Variants in LHFPL4 observed in about 807,000 individuals in gnomAD.
LHFPL4 encodes LHFPL tetraspan subfamily member 4 protein.
A neutral mutation model predicts 20.0 loss-of-function variants in LHFPL4; 6 were observed. The ratio of observed to expected loss-of-function variants is 0.30; its 90% CI spans 0.16 to 0.59. The LOEUF is 0.59. LHFPL4 is among the 20% of genes least tolerant of loss of function. The pLI, the probability that LHFPL4 is intolerant of heterozygous loss-of-function variation, is 0.88. For synonymous variants in LHFPL4, 129 were observed against 143.8 expected (o/e 0.90, Z 0.74); for missense variants, 215 against 331.2 (o/e 0.65, Z 2.72).
intron 2 of LHFPL4, among the ~76,000 whole-genome samples, chr3:9,535,973 T>C (rs1335066532): frequency 6.6e-6 from 1 of 152,066 alleles, no homozygotes; most frequent in East Asian, 1.9e-4. Flanking sequence ...AGCTAATTTT[T>C]GTATTTTTTT....
intron 2 of LHFPL4, among the ~76,000 whole-genome samples, chr3:9,547,992 G>C (rs2046527525): frequency 6.6e-6 from 1 of 152,118 alleles, no homozygotes; most frequent in Non-Finnish European, 1.5e-5. Context: ...TATTTGTAGA[G>C]ACAGGGTTTC....
chr3:9,535,201 GA>G (rs1384907855), intron 2 of LHFPL4, among the ~76,000 whole-genome samples: 4 of 152,124 alleles, frequency 2.6e-5, no homozygotes, highest in South Asian at 4.1e-4. Context: ...TTCTTTTTGG[GA>G]AAAATGTTCA....
rs2046174011 is a variant in LHFPL4 at position 9,501,481 on chromosome 3, T to G, written c.*730A>C. 1 of 152,800 alleles carries G rather than the reference T, an allele frequency of 6.5e-6. No individual in the cohort carries two copies. The highest frequency in any genetic ancestry group is 1.5e-5 in the Non-Finnish European group (1 of 68,620). The allele number at this position is 152,800 out of a possible 1,614,324, so 9.5% of individuals were successfully genotyped here. On this transcript the variant is annotated 3_prime_UTR_variant, in exon 4 of 4. Transcript: ENST00000287585. ...AAGAGGAGGCCAGGCCAGCCCGGGC[T>G]GAGCAGCTTCTAAGCTCCAACTGCC...
intron 2 of LHFPL4, among the ~76,000 whole-genome samples, chr3:9,535,847 G>A (rs1203765648): frequency 6.6e-6 from 1 of 152,152 alleles, no homozygotes; most frequent in Non-Finnish European, 1.5e-5. Context: ...TGTTGCCCAG[G>A]CTGGAGTGCA....
chr3:9,506,502 A>G lies in LHFPL4; in HGVS notation c.407-299T>C, dbSNP rs1249294779. On this transcript the variant is annotated intron_variant, in intron 2 of 3. Transcript: ENST00000287585. The surrounding 1 kb of genome is among the most constrained non-coding windows in gnomAD (Gnocchi z 4.5). ...GGAATATGAGAACATAGCCACCCAC[A>G]GCCACCTCCTTCAACTTCCTCTAGC... Among the ~76,000 whole-genome samples, 1 of 152,184 alleles carries G rather than the reference A, an allele frequency of 6.6e-6. No homozygotes were observed. Among genetic ancestry groups the G allele is most frequent in the Non-Finnish European group, 1.5e-5 (1 of 68,032 alleles).
chr3:9,499,399 C>T lies in LHFPL4; in HGVS notation c.*2812G>A, dbSNP rs1186351095. On this transcript the variant is annotated 3_prime_UTR_variant, in exon 4 of 4. Transcript: ENST00000287585. ...CCCCACTCTGACTTCTACCCCTTGC[C>T]TGTGTCACCCTGGGGTTCCCGCAGA... 1 of 152,832 alleles carries T rather than the reference C, an allele frequency of 6.5e-6. No homozygotes were observed. The highest frequency in any genetic ancestry group is 6.5e-5 in the Admixed American group (1 of 15,286). The allele number at this position is 152,832 out of a possible 1,614,324, so 9.5% of individuals were successfully genotyped here.
Position 9,502,212 on chromosome 3 carries a change from C to T in LHFPL4, c.743G>A (p.Ter248=), listed in dbSNP as rs201579364. ...TTACTGGGCTGTGATCCTGGCCTTTCAGGGTCCCTGTGAGTGAGCCACGGG... is the reference window on the plus strand; with the variant it reads ...TTACTGGGCTGTGATCCTGGCCTTTTAGGGTCCCTGTGAGTGAGCCACGGG... The part of the protein sequence containing the change: ...PCPVAHSQGP[*] Residue 248 remains the stop codon, a stop_retained_variant, in exon 4 of 4, where the codon TGA becomes TAA. Transcript: ENST00000287585. 9.3e-6 allele frequency: 15 copies of T among 1,612,940 alleles called. No homozygotes were observed. The highest frequency in any genetic ancestry group is 1.3e-5 in the African/African-American group (1 of 74,984).
intron 2 of LHFPL4, among the ~76,000 whole-genome samples, chr3:9,515,820 A>G (rs1287824053): frequency 6.6e-6 from 1 of 150,676 alleles, no homozygotes; most frequent in African/African-American, 2.4e-5. Flanking sequence ...GGTTCAAGCA[A>G]TTCTCTGCCT....
chr3:9,549,628 C>T (rs111567296), intron 2 of LHFPL4, among the ~76,000 whole-genome samples: 9 of 152,230 alleles, frequency 5.9e-5, no homozygotes, highest in Admixed American at 1.3e-4. Context: ...ACCCAGAAGG[C>T]GGAGCTTGCA....
At position 9,498,682 on chromosome 3, in the gene LHFPL4, C is replaced by G. The variant is rs2648570; in HGVS notation, c.*3529G>C. ...CTGCAGAAGTTTCTGGTGCTGGGAACATCCCAGCTTCTCCAAAGACAGGGT... is the reference window on the plus strand; with the variant it reads ...CTGCAGAAGTTTCTGGTGCTGGGAAGATCCCAGCTTCTCCAAAGACAGGGT... On this transcript the variant is annotated 3_prime_UTR_variant, in exon 4 of 4. Coordinates refer to ENST00000287585, the MANE Select transcript of LHFPL4 (RefSeq NM_198560.3). The G allele has an allele frequency of 0.95, 145,313 of 152,750 alleles. 69,472 individuals are homozygous for G. Among genetic ancestry groups the G allele is most frequent in the African/African-American group, 0.98 (40,658 of 41,574 alleles). 9.5% of individuals were successfully genotyped at this position (152,750 alleles called of 1,614,324 possible).
At chr3:9,546,841 T>C (rs963774725) in intron 2 of LHFPL4, among the ~76,000 whole-genome samples, 5 of 152,202 alleles carry the variant, frequency 3.3e-5, no homozygotes, top group Admixed American at 3.3e-4. Flanking sequence ...ACACTCAGCA[T>C]TTTACTACCT....
At chr3:9,549,097 C>A (rs1028218998) in intron 2 of LHFPL4, among the ~76,000 whole-genome samples, 1 of 152,150 alleles carries the variant, frequency 6.6e-6, no homozygotes, top group Non-Finnish European at 1.5e-5. Context: ...ACCCTAGCCT[C>A]TTTATTTTTT....
intron 2 of LHFPL4, among the ~76,000 whole-genome samples, chr3:9,526,702 T>G (rs2046377862): frequency 6.6e-6 from 1 of 152,186 alleles, no homozygotes; most frequent in Non-Finnish European, 1.5e-5. Flanking sequence ...GGGTGGGCTC[T>G]AAGTCCAATC....
chr3:9,532,888 G>A (rs955762040), intron 2 of LHFPL4, among the ~76,000 whole-genome samples: 1 of 152,134 alleles, frequency 6.6e-6, no homozygotes, highest in Non-Finnish European at 1.5e-5. Flanking sequence ...CTGTCCCCCA[G>A]GCCCTGCAGA....
At chr3:9,541,642 T>TGTGC (rs1219307102) in intron 2 of LHFPL4, among the ~76,000 whole-genome samples, 12 of 152,018 alleles carry the variant, frequency 7.9e-5, no homozygotes, top group Non-Finnish European at 1.3e-4. Flanking sequence ...TGTGGTGGCG[T>TGTGC]GTGCCTGTAA....
intron 2 of LHFPL4, among the ~76,000 whole-genome samples, chr3:9,522,214 T>A (rs2046342194): frequency 6.6e-6 from 1 of 151,618 alleles, no homozygotes; most frequent in Non-Finnish European, 1.5e-5. Context: ...CAGGATGGTC[T>A]CGATCTCTTG....
intron 2 of LHFPL4, among the ~76,000 whole-genome samples, chr3:9,509,678 G>T (rs538775337): frequency 6.6e-6 from 1 of 152,364 alleles, no homozygotes; most frequent in South Asian, 2.1e-4. Context: ...ACGCTGCAGG[G>T]TTTCAGATGG....
rs2046223575 is a variant in LHFPL4 at position 9,506,981 on chromosome 3, G to A, written c.407-778C>T. Among the ~76,000 whole-genome samples the A allele has an allele frequency of 6.6e-6, 1 of 152,214 alleles. No individual in the cohort carries two copies. Among genetic ancestry groups the A allele is most frequent in the Non-Finnish European group, 1.5e-5 (1 of 68,034 alleles). On this transcript the variant is annotated intron_variant, in intron 2 of 3. Transcript: ENST00000287585. The surrounding 1 kb of genome is among the most constrained non-coding windows in gnomAD (Gnocchi z 4.5). ...GCTAGAATATACTTTCATTCATGCAGTTGAGCACTTTGCTAAGAGCACAGA... is the reference window on the plus strand; with the variant it reads ...GCTAGAATATACTTTCATTCATGCAATTGAGCACTTTGCTAAGAGCACAGA...
chr3:9,503,092 A>C (rs1360715704), intron 3 of LHFPL4, among the ~76,000 whole-genome samples: 1 of 152,084 alleles, frequency 6.6e-6, no homozygotes, highest in Non-Finnish European at 1.5e-5. Flanking sequence ...CTCCTGCCTC[A>C]GCCTGTAGCT....
Sources: gnomAD v4.1 joint callset for allele counts (sites outside exome capture counted in the v4.1 genomes callset) on GRCh38, gnomAD v4.1.1 for gene constraint, Gnocchi (gnomAD v3.1) non-coding constraint, MANE v1.5 for transcripts, NCBI Gene and HGNC (gene_info 2026-07-23, HGNC 2026-07-21) for gene names.